The following GPC3 variants were observed in gnomAD, a reference collection of about 807,000 sequenced individuals.
The protein encoded by GPC3 is glypican-3.
A neutral mutation model predicts 34.4 loss-of-function variants in GPC3; 3 were observed. The observed-to-expected ratio is 0.09, with a 90% CI of 0.04 to 0.23. The LOEUF (loss-of-function observed/expected upper bound fraction) is 0.23, where lower values mean the gene tolerates loss of function less well. GPC3 is among the 10% of genes least tolerant of loss of function. GPC3 has a pLI of 1.00. For synonymous variants in GPC3, 177 were observed against 174.0 expected (o/e 1.02, Z -0.13); for missense variants, 351 against 445.6 (o/e 0.79, Z 1.91).
chrX:133,665,790 A>G (rs756743839), intron 5 of GPC3, among the ~76,000 whole-genome samples: 24 of 111,597 alleles, frequency 2.2e-4, no homozygotes, highest in Admixed American at 5.7e-4. Flanking sequence ...GTCTGTTTAA[A>G]TATCATTCAT....
At chrX:133,918,489 C>T (rs1158285571) in intron 2 of GPC3, among the ~76,000 whole-genome samples, 1 of 112,472 alleles carries the variant, frequency 8.9e-6, no homozygotes, top group East Asian at 2.8e-4. Context: ...AAGTGGATGA[C>T]AATCTAGTGA....
In GPC3 at chrX:133,842,300, G is replaced by A. The variant is rs772598794; in HGVS notation, c.338-88124C>T. 3.9e-3 allele frequency among the ~76,000 whole-genome samples: 416 copies of A among 107,213 alleles called. 3 individuals carry two copies. The highest frequency in any genetic ancestry group is 9.4e-3 in the Middle Eastern group (2 of 212). 93.1% of individuals were successfully genotyped at this position (107,213 alleles called of 115,157 possible). ...GCCATTGCACTCCAGCCTGGGCCAC[G>A]GAGTGAGACTGTCTCAAAAAAAAAA... On this transcript the variant is annotated intron_variant, in intron 2 of 7. Transcript: ENST00000370818.
intron 2 of GPC3, among the ~76,000 whole-genome samples, chrX:133,822,631 A>G (rs896424027): frequency 9.0e-6 from 1 of 111,524 alleles, no homozygotes; most frequent in Non-Finnish European, 1.9e-5. Context: ...ATTTGACTGA[A>G]CTAAGACTTG....
At chrX:133,768,586 T>C in intron 2 of GPC3, among the ~76,000 whole-genome samples, 1 of 111,527 alleles carries the variant, frequency 9.0e-6, no homozygotes, top group Non-Finnish European at 1.9e-5. Context: ...TGCAGCATTA[T>C]TCATAATAGC....
At chrX:133,809,941 C>T (rs1268323069) in intron 2 of GPC3, among the ~76,000 whole-genome samples, 2 of 111,992 alleles carry the variant, frequency 1.8e-5, no homozygotes, top group Non-Finnish European at 3.8e-5. Context: ...CTGTCTATCA[C>T]CAGGGCAAGC....
intron 2 of GPC3, among the ~76,000 whole-genome samples, chrX:133,872,533 C>A (rs1156890281): frequency 9.0e-6 from 1 of 111,675 alleles, no homozygotes; most frequent in African/African-American, 3.3e-5. Flanking sequence ...TCCTTCCACC[C>A]AACCATCTTT....
intron 1 of GPC3, among the ~76,000 whole-genome samples, chrX:133,961,189 C>T (rs761884084): frequency 3.6e-5 from 4 of 111,161 alleles, no homozygotes; most frequent in Non-Finnish European, 7.5e-5. Flanking sequence ...GTTATTTAGC[C>T]TGAAAGAACA....
chrX:133,605,341 T>C (rs2070037190), intron 6 of GPC3, among the ~76,000 whole-genome samples: 1 of 111,681 alleles, frequency 9.0e-6, no homozygotes, highest in Admixed American at 9.5e-5. Flanking sequence ...TAATACTATT[T>C]ATTATCTTCA....
Position 133,863,978 on chromosome X carries a change from C to T in GPC3, c.337+89072G>A, listed in dbSNP as rs188621201. Among the ~76,000 whole-genome samples the T allele has an allele frequency of 1.2e-4, 13 of 111,855 alleles. No individual in the cohort carries two copies. The East Asian group carries it at 3.7e-3, about 32-fold the overall frequency. ...CCAAAAATATTCCTAAGAGAGATAA[C>T]ACACTACGCCTTTTTGATTACTGGC... On this transcript the variant is annotated intron_variant, in intron 2 of 7. Transcript: ENST00000370818.
chrX:133,876,802 G>A (rs1302804602), intron 2 of GPC3, among the ~76,000 whole-genome samples: 1 of 111,892 alleles, frequency 8.9e-6, no homozygotes, highest in African/African-American at 3.2e-5. Flanking sequence ...TTCATTGGAG[G>A]AAATCACCCT....
chrX:133,882,807 G>A (rs1389168155), intron 2 of GPC3, among the ~76,000 whole-genome samples: 1 of 111,661 alleles, frequency 9.0e-6, no homozygotes, highest in East Asian at 2.8e-4. Context: ...GTCAGAGGCA[G>A]GAGGCACGGT....
At chrX:133,745,268 T>C in intron 3 of GPC3, among the ~76,000 whole-genome samples, 1 of 112,198 alleles carries the variant, frequency 8.9e-6, no homozygotes, top group Non-Finnish European at 1.9e-5. Flanking sequence ...CTTGGGCAAA[T>C]ATCCCTGGCT....
At chrX:133,853,388 TGTCATTTCTCTACAGTA>T (rs1459720977) in intron 2 of GPC3, among the ~76,000 whole-genome samples, 2 of 112,136 alleles carry the variant, frequency 1.8e-5, no homozygotes, top group Non-Finnish European at 3.8e-5. Context: ...CCTAGCCTGT[TGTCATTTCTCTACAGTA>T]GTCATTTCTC....
intron 2 of GPC3, among the ~76,000 whole-genome samples, chrX:133,915,855 A>C: frequency 8.9e-6 from 1 of 112,274 alleles, no homozygotes; most frequent in South Asian, 3.7e-4. Context: ...TAAGATAGTT[A>C]CAATGGATTG....
intron 2 of GPC3, among the ~76,000 whole-genome samples, chrX:133,785,210 T>TG (rs1569432073): frequency 9.0e-6 from 1 of 110,962 alleles, no homozygotes; most frequent in Non-Finnish European, 1.9e-5. Context: ...GTTGGGGAAG[T>TG]GGGGGGTCTT....
intron 2 of GPC3, among the ~76,000 whole-genome samples, chrX:133,950,436 T>C (rs2076387332): frequency 8.9e-6 from 1 of 111,796 alleles, no homozygotes; most frequent in African/African-American, 3.3e-5. Flanking sequence ...ATACCCCCAA[T>C]GTGGACTAGT....
intron 2 of GPC3, among the ~76,000 whole-genome samples, chrX:133,864,697 T>C (rs890807028): frequency 2.7e-5 from 3 of 112,989 alleles, no homozygotes; most frequent in South Asian, 3.6e-4. Flanking sequence ...TGAAAATTTA[T>C]GGAAAAATGT....
intron 3 of GPC3, among the ~76,000 whole-genome samples, chrX:133,709,114 A>G (rs1189371574): frequency 1.8e-5 from 2 of 112,052 alleles, no homozygotes; most frequent in African/African-American, 6.5e-5. Context: ...CAAATATATC[A>G]TTCTCTTAAT....
intron 6 of GPC3, among the ~76,000 whole-genome samples, chrX:133,636,197 C>T (rs978021419): frequency 2.7e-5 from 3 of 112,536 alleles, no homozygotes; most frequent in African/African-American, 6.5e-5. Flanking sequence ...ATTCTCCACT[C>T]GGTGAAATGC....
Sources: allele counts gnomAD v4.1 joint callset (sites outside exome capture counted in the v4.1 genomes callset), GRCh38; gene constraint gnomAD v4.1.1; transcripts MANE v1.5; gene names NCBI Gene and HGNC (gene_info 2026-07-23, HGNC 2026-07-21).